SLC37A3: variants seen among roughly 807,000 people sequenced by gnomAD.
SLC37A3 encodes the protein solute carrier family 37 member 3, also known as sugar phosphate exchanger 3.
A neutral mutation model predicts 67.1 loss-of-function variants in SLC37A3; 51 were observed. The ratio of observed to expected loss-of-function variants is 0.76; its 90% confidence interval spans 0.61 to 0.96. The LOEUF is 0.96. Among genes scored for constraint, SLC37A3 ranks in the 40% least tolerant of loss-of-function variants. SLC37A3 has a pLI of 0.00. For synonymous variants in SLC37A3, 214 were observed against 231.4 expected, an observed-to-expected ratio of 0.92 and a Z score of 0.68; for missense variants, 508 against 603.0, an observed-to-expected ratio of 0.84 and a Z score of 1.65.
At chr7:140,355,395 G>A (rs560787393) in intron 7 of SLC37A3, among the ~76,000 whole-genome samples, 24 of 152,016 alleles carry the variant, frequency 1.6e-4, no homozygotes, top group Middle Eastern at 6.8e-3. Flanking sequence ...TATTTTTTGA[G>A]TAGAGACGAG....
chr7:140,384,962 C>T (rs1798395699), intron 1 of SLC37A3, among the ~76,000 whole-genome samples: 2 of 152,122 alleles, frequency 1.3e-5, no homozygotes, highest in Admixed American at 1.3e-4. Flanking sequence ...GACTAAGAGA[C>T]CCAGCAGAAA....
chr7:140,342,158 T>C (rs1413196668), intron 13 of SLC37A3, among the ~76,000 whole-genome samples: 1 of 152,162 alleles, frequency 6.6e-6, no homozygotes, highest in African/African-American at 2.4e-5. Flanking sequence ...CATTAACAAG[T>C]GCATATAGAC....
intron 7 of SLC37A3, 47 bp from the exon 8 acceptor site, chr7:140,352,193 C>A (rs971156166): frequency 6.0e-6 from 6 of 1,004,164 alleles, no homozygotes; most frequent in African/African-American, 3.7e-5. Context: ...TGGGGACAGT[C>A]ATCACAAGCA....
At chr7:140,341,398 C>T (rs1230463774) in intron 13 of SLC37A3, among the ~76,000 whole-genome samples, 1 of 152,086 alleles carries the variant, frequency 6.6e-6, no homozygotes, top group Non-Finnish European at 1.5e-5. Context: ...CACCTTTACA[C>T]CGTGACAGGT....
intron 1 of SLC37A3, among the ~76,000 whole-genome samples, chr7:140,390,900 G>T (rs1798702323): frequency 1.3e-5 from 2 of 151,870 alleles, no homozygotes; most frequent in South Asian, 4.2e-4. Flanking sequence ...CTCATTTCCT[G>T]CCTTACCAAC....
At chr7:140,387,635 A>T (rs959263514) in intron 1 of SLC37A3, among the ~76,000 whole-genome samples, 1 of 120,538 alleles carries the variant, frequency 8.3e-6, no homozygotes, top group South Asian at 2.2e-4. Flanking sequence ...TATATTATAT[A>T]AATATAAATA....
chr7:140,359,115 G>A (rs760521534), intron 5 of SLC37A3, among the ~76,000 whole-genome samples: 5 of 152,080 alleles, frequency 3.3e-5, no homozygotes, highest in African/African-American at 7.3e-5. Flanking sequence ...AGGCCGAGGA[G>A]GGCAGATCAC....
At chr7:140,374,639 G>A (rs868111720) in intron 3 of SLC37A3, among the ~76,000 whole-genome samples, 3 of 152,206 alleles carry the variant, frequency 2.0e-5, no homozygotes, top group South Asian at 2.1e-4. Context: ...CCAGGAGCTC[G>A]AGACCAGCAT....
chr7:140,372,012 C>A (rs1797840797), intron 3 of SLC37A3, among the ~76,000 whole-genome samples: 1 of 152,112 alleles, frequency 6.6e-6, no homozygotes, highest in Non-Finnish European at 1.5e-5. Context: ...CCACAACACC[C>A]AGCTAATTTT....
chr7:140,354,436 CTT>C (rs113768596), intron 7 of SLC37A3, among the ~76,000 whole-genome samples: 2 of 145,702 alleles, frequency 1.4e-5, no homozygotes, highest in Admixed American at 6.9e-5. Context: ...GTTTTTCTTC[CTT>C]TTTTTTTTTT....
chr7:140,357,975 C>T (rs1391904369), intron 6 of SLC37A3, among the ~76,000 whole-genome samples: 2 of 151,810 alleles, frequency 1.3e-5, no homozygotes, highest in Non-Finnish European at 2.9e-5. Flanking sequence ...ACTTGGGAGG[C>T]TGAGGCAGGA....
At chr7:140,358,495 C>A in intron 6 of SLC37A3, 145 bp downstream of exon 6, 2 of 1,122,214 alleles carry the variant, frequency 1.8e-6, no homozygotes, top group Non-Finnish European at 1.3e-6. Flanking sequence ...TGACGTGAAA[C>A]CCTCTCTCCC....
chr7:140,343,509 A>G lies in SLC37A3; in HGVS notation c.1229T>C (p.Leu410Ser). 1 of 1,614,166 alleles carries G rather than the reference A, an allele frequency of 6.2e-7. No individual in the cohort carries two copies. Among genetic ancestry groups the G allele is most frequent in the Non-Finnish European group, 8.5e-7 (1 of 1,180,022 alleles). The change falls in exon 13 of 15, where the codon TTG becomes TCG. Residue 410 changes from leucine to serine, a missense_variant. By Grantham distance (145) the Leu-to-Ser change is moderately radical. Coordinates refer to ENST00000326232, the MANE Select transcript of SLC37A3 (RefSeq NM_207113.3). ...NMISSAISADLGRQELIQRSS... is the reference protein window; with the variant it reads ...NMISSAISADSGRQELIQRSS... ...CCTTTGGATGAGCTCCTGGCGACCCAAGTCCGCAGAAATAGCAGAACTAAT... is the reference window on the plus strand; with the variant it reads ...CCTTTGGATGAGCTCCTGGCGACCCGAGTCCGCAGAAATAGCAGAACTAAT...
At chr7:140,393,359 G>A (rs1426089715) in intron 1 of SLC37A3, among the ~76,000 whole-genome samples, 4 of 152,184 alleles carry the variant, frequency 2.6e-5, no homozygotes, top group Middle Eastern at 3.2e-3. Flanking sequence ...TGACATGAAG[G>A]AATCTTTAGA....
intron 11 of SLC37A3, 135 bp from the exon 12 acceptor site, chr7:140,345,398 C>G: frequency 1.5e-6 from 1 of 666,810 alleles, no homozygotes; most frequent in Non-Finnish European, 2.7e-6. Context: ...ACACAACTCT[C>G]TCTGCCTCTT....
At chr7:140,387,237 G>A (rs996438125) in intron 1 of SLC37A3, among the ~76,000 whole-genome samples, 4 of 151,890 alleles carry the variant, frequency 2.6e-5, no homozygotes, top group South Asian at 2.1e-4. Flanking sequence ...TTGGGAGGCC[G>A]AGGCGGGTGG....
chr7:140,350,374 G>C (rs1361655948), intron 9 of SLC37A3, among the ~76,000 whole-genome samples: 2 of 152,104 alleles, frequency 1.3e-5, no homozygotes, highest in Non-Finnish European at 2.9e-5. Flanking sequence ...AAGGGATTTA[G>C]TGTAGACGTT....
intron 3 of SLC37A3, among the ~76,000 whole-genome samples, chr7:140,377,799 G>A (rs1445809481): frequency 6.6e-6 from 1 of 152,186 alleles, no homozygotes; most frequent in Non-Finnish European, 1.5e-5. Flanking sequence ...AGGAGGCTGA[G>A]GCAGGAGGAT....
intron 5 of SLC37A3, among the ~76,000 whole-genome samples, chr7:140,363,690 T>TA (rs1173376055): frequency 5.6e-4 from 17 of 30,604 alleles, no homozygotes; most frequent in Admixed American, 3.1e-3. Context: ...GAATGATCAA[T>TA]AAAAAAAAAA....
Sources: gnomAD v4.1 joint callset for allele counts (sites outside exome capture counted in the v4.1 genomes callset) on GRCh38, gnomAD v4.1.1 for gene constraint, MANE v1.5 for transcripts, NCBI Gene and HGNC (gene_info 2026-07-23, HGNC 2026-07-21) for gene names.